Variants in ZFHX2 observed in about 807,000 individuals in gnomAD.
ZFHX2 encodes the protein zinc finger homeobox protein 2.
A neutral mutation model predicts 164.8 loss-of-function variants in ZFHX2; 75 were observed. The observed-to-expected ratio is 0.46, with a 90% CI of 0.38 to 0.55. The LOEUF (loss-of-function observed/expected upper bound fraction) is 0.55, where lower values mean the gene tolerates loss of function less well. Ranked by LOEUF, ZFHX2 falls within the 20% of genes least tolerant of loss-of-function variation. The pLI, the probability that ZFHX2 is intolerant of heterozygous loss-of-function variation, is 0.00. For missense variants in ZFHX2, 2,933 were observed against 3,308.0 expected, an observed-to-expected ratio of 0.89 and a Z score of 2.78; for synonymous variants, 1,217 against 1,351.4, an observed-to-expected ratio of 0.90 and a Z score of 2.18.
At position 23,525,002 on chromosome 14, in the gene ZFHX2, C is replaced by A. The variant is rs562030920; in HGVS notation, c.4940G>T (p.Arg1647Leu). 6.5e-7 allele frequency: 1 copy of A among 1,536,032 alleles called. No homozygotes were observed. The highest frequency in any genetic ancestry group is 1.4e-5 in the African/African-American group (1 of 73,012). Reference protein sequence around the residue: ...RVVVVWFQNARQKARKNACEG... With the variant: ...RVVVVWFQNALQKARKNACEG... Reference sequence around the variant, plus strand: ...ACAGGCATTTTTGCGTGCTTTCTGGCGGGCATTCTGGAACCACACCACCAC... The same window carrying A: ...ACAGGCATTTTTGCGTGCTTTCTGGAGGGCATTCTGGAACCACACCACCAC... Residue 1647 changes from arginine (R) to leucine (L), a missense_variant, in exon 9 of 10, where the codon CGC becomes CTC. Coordinates refer to ENST00000419474, the MANE Select transcript of ZFHX2 (RefSeq NM_033400.3). This position sits in a 1 kb window ranked among gnomAD's most constrained non-coding sequence, Gnocchi z 5.9.
In ZFHX2 at chr14:23,522,901, C is replaced by T. The variant is rs554292009; in HGVS notation, c.6780G>A (p.Ser2260=). ...GGACCACTGTGGTGGTAGGCAGGAC[C>T]GAAGTGGCGAGGCCGAGGAGGCCTG... ...ASSGLLGLAT[S]VLPTTTVVQT... is the part of the protein sequence containing the mutation. The change falls in exon 10 of 10, where the codon TCG becomes TCA. Residue 2260 remains serine, a synonymous_variant. Transcript: ENST00000419474. 2.4e-4 allele frequency: 347 copies of T among 1,471,148 alleles called. 1 individual carries two copies. The highest frequency in any genetic ancestry group is 7.2e-4 in the Admixed American group (30 of 41,696). The allele number at this position is 1,471,148 out of a possible 1,614,324, so 91.1% of individuals were successfully genotyped here. A position where few individuals can be genotyped will look rare whatever the true frequency, so the allele number is the denominator to read the frequency against.
At position 23,523,633 on chromosome 14, in the gene ZFHX2, C is replaced by T; in HGVS notation, c.6309G>A (p.Gly2103=). Residue 2103 remains glycine, a synonymous_variant, in exon 9 of 10, where the codon GGG becomes GGA. Transcript: ENST00000419474. The surrounding 1 kb of genome is among the most constrained non-coding windows in gnomAD (Gnocchi z 4.1). Reference sequence around the variant, plus strand: ...AGACCTGGATGACTCTCTTGGGCAGCCCAATCTCCTCTCCCAGCACCTCAC... The same window carrying T: ...AGACCTGGATGACTCTCTTGGGCAGTCCAATCTCCTCTCCCAGCACCTCAC... The part of the protein sequence containing the change: ...QECEVLGEEI[G]LPKRVIQVWF... 2.6e-6 allele frequency: 4 copies of T among 1,556,352 alleles called. No homozygotes were observed. Among genetic ancestry groups the T allele is most frequent in the Non-Finnish European group, 3.5e-6 (4 of 1,157,126 alleles).
upstream of ZFHX2, among the ~76,000 whole-genome samples, chr14:23,552,603 G>T (rs1882060287): frequency 6.8e-6 from 1 of 147,452 alleles, no homozygotes; most frequent in Non-Finnish European, 1.5e-5. Context: ...CCGTTTTTTT[G>T]TTTGTTTGTT....
rs190876809 is a variant in ZFHX2, at chr14:23,534,416, T to C, written c.910A>G (p.Ile304Val). The C allele has an allele frequency of 2.6e-6, 4 of 1,536,676 alleles. No homozygotes were observed. The highest frequency in any genetic ancestry group is 1.2e-5 in the South Asian group (1 of 84,070). ...PKLPARPSSD[I>V]PLDNSSTVNM... ...ACTGTGCTGCTGTTGTCAAGGGGTA[T>C]GTCAGAAGAGGGGCGAGCAGGGAGT... The change falls in exon 2 of 10, where the codon ATA (isoleucine) becomes GTA (valine). Residue 304 changes from isoleucine (I) to valine (V), a missense_variant. Ile to Val is a conservative substitution (Grantham distance 29, BLOSUM62 3). Coordinates refer to ENST00000419474, the MANE Select transcript of ZFHX2 (RefSeq NM_033400.3). This position sits in a 1 kb window ranked among gnomAD's most constrained non-coding sequence, Gnocchi z 4.5.
At chr14:23,549,159 T>G (rs1881701760) in intron 1 of ZFHX2, among the ~76,000 whole-genome samples, 1 of 152,210 alleles carries the variant, frequency 6.6e-6, no homozygotes, top group South Asian at 2.1e-4. Context: ...TTACCTTCTG[T>G]ATTGCTATCA....
intron 1 of ZFHX2, among the ~76,000 whole-genome samples, chr14:23,540,593 A>G (rs548027406): frequency 1.5e-4 from 23 of 152,110 alleles, no homozygotes; most frequent in Non-Finnish European, 2.8e-4. Context: ...TCTATTTTTT[A>G]GGGCAATGGA....
At position 23,523,345 on chromosome 14, in the gene ZFHX2, T is replaced by C. The variant is rs1431257171; in HGVS notation, c.6597A>G (p.Pro2199=). Residue 2199 remains proline, a synonymous_variant, in exon 9 of 10, where the codon CCA becomes CCG. Transcript: ENST00000419474. The surrounding 1 kb of genome is among the most constrained non-coding windows in gnomAD (Gnocchi z 4.1). The part of the protein sequence containing the change: ...YDLAPAPEAP[P]ALKAPPATTP... Reference sequence around the variant, plus strand: ...TGGTGGCAGGTGGGGCCTTGAGAGCTGGGGGAGCCTCAGGTGCTGGGGCCA... The same window carrying C: ...TGGTGGCAGGTGGGGCCTTGAGAGCCGGGGGAGCCTCAGGTGCTGGGGCCA... 6.8e-7 allele frequency: 1 copy of C among 1,465,714 alleles called. No homozygotes were observed. Among genetic ancestry groups the C allele is most frequent in the Non-Finnish European group, 9.0e-7 (1 of 1,111,470 alleles). The allele number at this position is 1,465,714 out of a possible 1,614,324, so 90.8% of individuals were successfully genotyped here. A position where few individuals can be genotyped will look rare whatever the true frequency, so the allele number is the denominator to read the frequency against.
At position 23,522,157 on chromosome 14, in the gene ZFHX2, T is replaced by G. The variant is rs575361179; in HGVS notation, c.7524A>C (p.Glu2508Asp). 1 of 1,509,814 alleles carries G rather than the reference T, an allele frequency of 6.6e-7. No homozygotes were observed. Among genetic ancestry groups the G allele is most frequent in the East Asian group, 2.5e-5 (1 of 40,796 alleles). 93.5% of individuals were successfully genotyped at this position (1,509,814 alleles called of 1,614,324 possible). A position where few individuals can be genotyped will look rare whatever the true frequency, so the allele number is the denominator to read the frequency against. Residue 2508 changes from glutamate to aspartate, a missense_variant, in exon 10 of 10, where the codon GAA becomes GAC. Glu to Asp is a conservative substitution (Grantham distance 45). Coordinates refer to ENST00000419474, the MANE Select transcript of ZFHX2 (RefSeq NM_033400.3). ...AGGAGCGCAGGTGGGAGGCTAGGGCTTCACGCCCACTCAGCAGCACCTCAC... is the reference window on the plus strand; with the variant it reads ...AGGAGCGCAGGTGGGAGGCTAGGGCGTCACGCCCACTCAGCAGCACCTCAC... The part of the protein sequence containing the change: ...LACEVLLSGR[E>D]ALASHLRSSA...
chr14:23,522,003 T>C lies in ZFHX2; in HGVS notation c.7678A>G (p.Asn2560Asp). 1 of 1,536,394 alleles carries C rather than the reference T, an allele frequency of 6.5e-7. No homozygotes were observed. The highest frequency in any genetic ancestry group is 8.7e-7 in the Non-Finnish European group (1 of 1,146,906). Residue 2560 changes from asparagine (N) to aspartate (D), a missense_variant, in exon 10 of 10, where the codon AAC becomes GAC. Transcript: ENST00000419474. ...EEARLPHTDS[N>D]PKTTTTSTLL... Reference sequence around the variant, plus strand: ...GTAGAGGTAGTCGTAGTTTTTGGGTTGGAGTCCGTGTGAGGTAATCTTGCT... The same window carrying C: ...GTAGAGGTAGTCGTAGTTTTTGGGTCGGAGTCCGTGTGAGGTAATCTTGCT...
chr14:23,525,040 C>T lies in ZFHX2; in HGVS notation c.4902G>A (p.Leu1634=), dbSNP rs1425816697. The change falls in exon 9 of 10, where the codon CTG becomes CTA. Residue 1634 remains leucine (L), a synonymous_variant. Coordinates refer to ENST00000419474, the MANE Select transcript of ZFHX2 (RefSeq NM_033400.3). The surrounding 1 kb of genome is among the most constrained non-coding windows in gnomAD (Gnocchi z 5.9). ...EVERLASLLG[L]ASRVVVVWFQ... is the part of the protein sequence containing the mutation. The stretch of plus-strand genomic sequence containing the variant: ...ACCACACCACCACCACACGGCTAGC[C>T]AGACCCAACAGACTTGCGAGTCGCT... The T allele has an allele frequency of 6.5e-7, 1 of 1,536,198 alleles. No individual in the cohort carries two copies. Among genetic ancestry groups the T allele is most frequent in the South Asian group, 1.2e-5 (1 of 84,062 alleles).
rs1878026355 is a variant in ZFHX2 at position 23,521,789 on chromosome 14, G to A, written c.*173C>T. ...GTCTGTGGGGATTGGGAGGAGGCAG[G>A]ACTCTGCTGGAAGTGGGGTGTGTGG... is the stretch of plus-strand genomic sequence containing the variant. On this transcript the variant is annotated 3_prime_UTR_variant, in exon 10 of 10. Transcript: ENST00000419474. 3 of 1,166,740 alleles carry A rather than the reference G, an allele frequency of 2.6e-6. No individual in the cohort carries two copies. Among genetic ancestry groups the A allele is most frequent in the Admixed American group, 2.9e-5 (1 of 34,042 alleles). The allele number at this position is 1,166,740 out of a possible 1,614,324, so 72.3% of individuals were successfully genotyped here.
At position 23,521,966 on chromosome 14, in the gene ZFHX2, A is replaced by G. The variant is rs1396633306; in HGVS notation, c.7715T>C (p.Leu2572Ser). 6.5e-7 allele frequency: 1 copy of G among 1,536,102 alleles called. No individual in the cohort carries two copies. The highest frequency in any genetic ancestry group is 8.7e-7 in the Non-Finnish European group (1 of 1,146,902). The change falls in exon 10 of 10, where the codon TTA (leucine) becomes TCA (serine). Residue 2572 changes from leucine to serine, a missense_variant. Transcript: ENST00000419474. ...TCCCCATCTTGGTTAATCTGTTTAT[A>G]AAGCTAGAAGTGTAGAGGTAGTCGT... ...KTTTTSTLLA[L>S]
rs1214766914 is a variant in ZFHX2, at chr14:23,522,559, G to C, written c.7122C>G (p.Leu2374=). The change falls in exon 10 of 10, where the codon CTC becomes CTG. Residue 2374 remains leucine, a synonymous_variant. Coordinates refer to ENST00000419474, the MANE Select transcript of ZFHX2 (RefSeq NM_033400.3). ...PQLQGAYFQQ[L]YGMKKGLFPM... ...GAAATAGCCCCTTCTTCATGCCATA[G>C]AGCTGTTGGAAGTAGGCCCCCTGTA... The C allele has an allele frequency of 2.0e-6, 3 of 1,528,082 alleles. No individual in the cohort carries two copies. The highest frequency in any genetic ancestry group is 2.6e-6 in the Non-Finnish European group (3 of 1,141,974). 94.7% of individuals were successfully genotyped at this position (1,528,082 alleles called of 1,614,324 possible).
Position 23,531,533 on chromosome 14 carries a change from G to A in ZFHX2, c.2748C>T (p.Leu916=), listed in dbSNP as rs896330927. The A allele has an allele frequency of 7.3e-6, 11 of 1,510,334 alleles. No homozygotes were observed. Among genetic ancestry groups the A allele is most frequent in the African/African-American group, 1.4e-5 (1 of 72,372 alleles). 93.6% of individuals were successfully genotyped at this position (1,510,334 alleles called of 1,614,324 possible). A position where few individuals can be genotyped will look rare whatever the true frequency, so the allele number is the denominator to read the frequency against. ...LQNGPTTEEG[L]AALQSILSFS... ...AGCTCAGGATGCTCTGAAGAGCTGC[G>A]AGTCCTTCCTCAGTGGTTGGGCCAT... The change falls in exon 4 of 10, where the codon CTC becomes CTT. Residue 916 remains leucine, a synonymous_variant. Transcript: ENST00000419474.
Position 23,527,739 on chromosome 14 carries a change from G to A in ZFHX2, c.3000C>T (p.Leu1000=). 1 of 1,536,148 alleles carries A rather than the reference G, an allele frequency of 6.5e-7. No individual in the cohort carries two copies. Among genetic ancestry groups the A allele is most frequent in the Non-Finnish European group, 8.7e-7 (1 of 1,146,924 alleles). The change falls in exon 7 of 10, where the codon CTC becomes CTT. Residue 1000 remains leucine, a synonymous_variant. Transcript: ENST00000419474. ...PESSQVRAHT[L]SQHAVQPKYR... ...ACTTGGGCTGCACTGCATGCTGGGAGAGTGTATGAGCCCTCACCTGGCTGG... is the reference window on the plus strand; with the variant it reads ...ACTTGGGCTGCACTGCATGCTGGGAAAGTGTATGAGCCCTCACCTGGCTGG...
chr14:23,538,938 G>C (rs909871690), intron 1 of ZFHX2, among the ~76,000 whole-genome samples: 1 of 152,182 alleles, frequency 6.6e-6, no homozygotes, highest in Non-Finnish European at 1.5e-5. Context: ...GATCACATTA[G>C]AGGCGACAGA....
chr14:23,550,607 G>T (rs1322658838), intron 1 of ZFHX2, among the ~76,000 whole-genome samples: 1 of 152,156 alleles, frequency 6.6e-6, no homozygotes, highest in East Asian at 1.9e-4. Flanking sequence ...GGGGCTACAG[G>T]CACAGCGAGG....
chr14:23,526,035 C>T lies in ZFHX2; in HGVS notation c.3907G>A (p.Glu1303Lys), dbSNP rs1462088228. The change falls in exon 9 of 10, where the codon GAG becomes AAG. Residue 1303 changes from glutamate (E) to lysine (K), a missense_variant. Glu to Lys is a moderately conservative substitution (Grantham distance 56). Coordinates refer to ENST00000419474, the MANE Select transcript of ZFHX2 (RefSeq NM_033400.3). The part of the protein sequence containing the change: ...EEPKEGETEG[E>K]VGTEKKGPDT... ...GGGCCCTTCTTCTCAGTGCCCACCT[C>T]CCCCTCTGTCTCGCCTTCCTTGGGC... is the stretch of plus-strand genomic sequence containing the variant. The T allele has an allele frequency of 2.6e-6, 4 of 1,536,202 alleles. No individual in the cohort carries two copies. The highest frequency in any genetic ancestry group is 3.5e-6 in the Non-Finnish European group (4 of 1,146,850).
At position 23,522,738 on chromosome 14, in the gene ZFHX2, G is replaced by C. The variant is rs1174538459; in HGVS notation, c.6943C>G (p.Pro2315Ala). Residue 2315 changes from proline (P) to alanine (A), a missense_variant, in exon 10 of 10, where the codon CCA (proline) becomes GCA (alanine). Transcript: ENST00000419474. ...GAGGAGCTGGTGGGGCCTGCAACTG[G>C]CTTTCGCTCACTGGAGACCTTGTCC... ...LGDKVSSERK[P>A]VAGPTSSSND... 8.5e-6 allele frequency: 13 copies of C among 1,536,406 alleles called. No homozygotes were observed. The highest frequency in any genetic ancestry group is 1.0e-5 in the Non-Finnish European group (12 of 1,146,942).
Sources: gnomAD v4.1 joint callset for allele counts (sites outside exome capture counted in the v4.1 genomes callset) on GRCh38, gnomAD v4.1.1 for gene constraint, Gnocchi (gnomAD v3.1) non-coding constraint, MANE v1.5 for transcripts, NCBI Gene and HGNC (gene_info 2026-07-23, HGNC 2026-07-21) for gene names.